SRGAP1: variants seen among roughly 807,000 people sequenced by gnomAD.
The protein encoded by SRGAP1 is SLIT-ROBO Rho GTPase activating protein 1.
A neutral mutation model predicts 121.9 loss-of-function variants in SRGAP1; 43 were observed. The ratio of observed to expected loss-of-function variants is 0.35; its 90% CI spans 0.28 to 0.46. The LOEUF (loss-of-function observed/expected upper bound fraction) is 0.46. Among genes scored for constraint, SRGAP1 ranks in the 20% least tolerant of loss-of-function variants. The pLI, the probability that SRGAP1 is intolerant of heterozygous loss-of-function variation, is 1.00. For synonymous variants in SRGAP1, 447 were observed against 485.4 expected (o/e 0.92, Z 1.04); for missense variants, 1,102 against 1,350.9 (o/e 0.82, Z 2.89).
At position 64,078,885 on chromosome 12, in the gene SRGAP1, T is replaced by C. The variant is rs764382544; in HGVS notation, c.1126-34T>C. 24 of 1,598,900 alleles carry C rather than the reference T, an allele frequency of 1.5e-5. No homozygotes were observed. In the East Asian group the frequency reaches 4.2e-4, roughly 28 times the overall value. ...CCTGTTTGTGGGATTCATGAAATAA[T>C]GTACTAACGTGAGAAATGTATTTCT... is the stretch of plus-strand genomic sequence containing the variant. On this transcript the variant is annotated intron_variant, in intron 8 of 21. Transcript: ENST00000355086.
chr12:64,138,980 A>C (rs2036910147), intron 21 of SRGAP1, among the ~76,000 whole-genome samples: 1 of 152,212 alleles, frequency 6.6e-6, no homozygotes, highest in Admixed American at 6.5e-5. Context: ...ATTCCTAAAA[A>C]ATTTAACACC....
rs534724829 is a variant in SRGAP1, at chr12:64,158,334, A to T, written c.*15662A>T. ...TCTGGTTTGTCAGGGATGAAATACTAAAGCAACTTCATGGATTGTGATTTC... is the reference window on the plus strand; with the variant it reads ...TCTGGTTTGTCAGGGATGAAATACTTAAGCAACTTCATGGATTGTGATTTC... On this transcript the variant is annotated 3_prime_UTR_variant, in exon 22 of 22. Coordinates refer to ENST00000355086, the MANE Select transcript of SRGAP1 (RefSeq NM_020762.4). The T allele has an allele frequency of 6.6e-6, 1 of 152,262 alleles. No homozygotes were observed. Among genetic ancestry groups the T allele is most frequent in the Non-Finnish European group, 1.5e-5 (1 of 68,046 alleles). 9.4% of individuals were successfully genotyped at this position (152,262 alleles called of 1,614,324 possible).
chr12:63,855,632 C>G (rs574644974), intron 1 of SRGAP1, among the ~76,000 whole-genome samples: 1 of 151,442 alleles, frequency 6.6e-6, no homozygotes. Context: ...GGACTACAGG[C>G]GTGCACCACC....
chr12:63,863,884 A>G (rs1899537038), intron 1 of SRGAP1, among the ~76,000 whole-genome samples: 1 of 152,346 alleles, frequency 6.6e-6, no homozygotes, highest in African/African-American at 2.4e-5. Context: ...AAAGTGATGT[A>G]TAGAAAATGG....
At chr12:63,870,249 G>A (rs1467890088) in intron 1 of SRGAP1, among the ~76,000 whole-genome samples, 1 of 152,130 alleles carries the variant, frequency 6.6e-6, no homozygotes, top group Non-Finnish European at 1.5e-5. Context: ...ATTATTTGAT[G>A]AGGAGACTCA....
At chr12:63,907,846 CAT>C (rs1189399114) in intron 1 of SRGAP1, among the ~76,000 whole-genome samples, 24 of 152,304 alleles carry the variant, frequency 1.6e-4, no homozygotes, top group Middle Eastern at 3.4e-3. Context: ...CTAGCCCTTA[CAT>C]TTAGGCCTCT....
intron 1 of SRGAP1, among the ~76,000 whole-genome samples, chr12:63,978,654 T>A (rs1340439084): frequency 1.3e-5 from 2 of 150,242 alleles, no homozygotes; most frequent in African/African-American, 4.9e-5. Flanking sequence ...GCAATGCTGC[T>A]ATTGCACACA....
In SRGAP1 at chr12:64,095,111, C is replaced by G. The variant is rs1202947036; in HGVS notation, c.1601-16C>G. 12 of 1,613,696 alleles carry G rather than the reference C, an allele frequency of 7.4e-6. No individual in the cohort carries two copies. In the East Asian group the frequency reaches 2.2e-4, roughly 30 times the overall value. The stretch of plus-strand genomic sequence containing the variant: ...GTGATGGGGGTTTTATCCTCTTTCC[C>G]TTCTTTTCTCTTTAGGTCTTCAGCA... On this transcript the variant is annotated splice_polypyrimidine_tract_variant and intron_variant, in intron 13 of 21. Transcript: ENST00000355086.
At chr12:63,960,804 T>G (rs758087626) in intron 1 of SRGAP1, among the ~76,000 whole-genome samples, 2 of 152,116 alleles carry the variant, frequency 1.3e-5, no homozygotes, top group Non-Finnish European at 2.9e-5. Context: ...AAGCAGAGAT[T>G]GGGGTGTGCT....
At chr12:63,981,291 A>G (rs867860646) in intron 1 of SRGAP1, among the ~76,000 whole-genome samples, 2 of 152,280 alleles carry the variant, frequency 1.3e-5, no homozygotes, top group East Asian at 1.9e-4. Context: ...ATTTTTGTGT[A>G]TTTCTGATTA....
At chr12:63,896,175 G>A (rs1900748132) in intron 1 of SRGAP1, among the ~76,000 whole-genome samples, 1 of 151,816 alleles carries the variant, frequency 6.6e-6, no homozygotes, top group African/African-American at 2.4e-5. Flanking sequence ...GTTTTGTGGG[G>A]GTTAAATGAT....
At chr12:63,969,743 G>A (rs184783587) in intron 1 of SRGAP1, among the ~76,000 whole-genome samples, 35 of 151,752 alleles carry the variant, frequency 2.3e-4, no homozygotes, top group African/African-American at 8.0e-4. Flanking sequence ...GCAGTGAACC[G>A]AGATTGTGCC....
chr12:63,913,359 T>G (rs1418197713), intron 1 of SRGAP1, among the ~76,000 whole-genome samples: 1 of 147,888 alleles, frequency 6.8e-6, no homozygotes, highest in African/African-American at 2.5e-5. Flanking sequence ...GGGTTTCACA[T>G]ATTGCCCAGG....
In SRGAP1 at chr12:63,963,580, T is replaced by C. The variant is rs546800118; in HGVS notation, c.68-20367T>C. On this transcript the variant is annotated intron_variant, in intron 1 of 21. Transcript: ENST00000355086. ...TCTGTCTTCTAGCTATTTTAAAATA[T>C]ACAATAATGTATTGTTAACTGTAGT... 1.1e-4 allele frequency among the ~76,000 whole-genome samples: 16 copies of C among 152,324 alleles called. No homozygotes were observed. The South Asian group carries it at 3.3e-3, about 32-fold the overall frequency.
At position 64,142,975 on chromosome 12, in the gene SRGAP1, A is replaced by G. The variant is rs1592360857; in HGVS notation, c.*303A>G. 1.6e-5 allele frequency: 5 copies of G among 319,890 alleles called. No individual in the cohort carries two copies. The East Asian group carries it at 3.3e-4, about 21-fold the overall frequency. 19.8% of individuals were successfully genotyped at this position (319,890 alleles called of 1,614,324 possible). A position where few individuals can be genotyped will look rare whatever the true frequency, so the allele number is the denominator to read the frequency against. The stretch of plus-strand genomic sequence containing the variant: ...CAACACCGCTCTCCACATTGTACAG[A>G]GCTTCAGGTTTAATGTAGCCCAGCT... On this transcript the variant is annotated 3_prime_UTR_variant, in exon 22 of 22. Transcript: ENST00000355086.
chr12:64,097,413 T>G (rs781527777), intron 15 of SRGAP1, 38 bp downstream of exon 15: 1 of 1,606,470 alleles, frequency 6.2e-7, no homozygotes, highest in Non-Finnish European at 8.5e-7. Flanking sequence ...CCACAAGAAT[T>G]ATTTCACTAG....
intron 15 of SRGAP1, 81 bp downstream of exon 15, chr12:64,097,456 C>A (rs2036180330): frequency 6.9e-7 from 1 of 1,440,574 alleles, no homozygotes; most frequent in South Asian, 1.3e-5. Flanking sequence ...GGCCCCCCTC[C>A]ATACACCCCC....
intron 1 of SRGAP1, among the ~76,000 whole-genome samples, chr12:63,974,407 C>T (rs1246530936): frequency 2.0e-5 from 3 of 152,052 alleles, no homozygotes; most frequent in African/African-American, 7.2e-5. Flanking sequence ...GTAATGAAGA[C>T]TTAGAATAAT....
chr12:63,851,451 A>C (rs1204477023), intron 1 of SRGAP1, among the ~76,000 whole-genome samples: 1 of 152,100 alleles, frequency 6.6e-6, no homozygotes, highest in African/African-American at 2.4e-5. Flanking sequence ...TAAATAAATA[A>C]TAAAAAACCA....
Sources: allele counts gnomAD v4.1 joint callset (sites outside exome capture counted in the v4.1 genomes callset), GRCh38; gene constraint gnomAD v4.1.1; transcripts MANE v1.5; gene names NCBI Gene and HGNC (gene_info 2026-07-23, HGNC 2026-07-21).